The following DCAF8L2 variants were observed in gnomAD, a reference collection of about 807,000 sequenced individuals.
DCAF8L2 encodes the protein DDB1- and CUL4-associated factor 8-like protein 2.
For synonymous variants in DCAF8L2, 200 were observed against 190.9 expected (o/e 1.05, Z -0.39); for missense variants, 430 against 490.7 (o/e 0.88, Z 1.17).
At chrX:27,585,968 C>T (rs867576978), upstream of DCAF8L2, among the ~76,000 whole-genome samples, 15 of 111,505 alleles carry the variant, frequency 1.3e-4, no homozygotes, top group African/African-American at 4.2e-4. Flanking sequence ...TGATCTCATG[C>T]TTACTTATTA....
the DCAF8L2 span, among the ~76,000 whole-genome samples, chrX:27,566,177 T>G: frequency 1.1e-4 from 11 of 100,639 alleles, no homozygotes; most frequent in Non-Finnish European, 1.8e-4. Flanking sequence ...AGGAAAGGAA[T>G]GTATCCACTG....
chrX:27,648,854 T>G (rs1442742563), intron 2 of DCAF8L2, among the ~76,000 whole-genome samples: 1 of 111,648 alleles, frequency 9.0e-6, no homozygotes, highest in Non-Finnish European at 1.9e-5. Context: ...ATTTTATTAT[T>G]TCATACATCT....
At chrX:27,587,985 A>AAAAAAATATATAT, upstream of DCAF8L2, among the ~76,000 whole-genome samples, 23 of 22,344 alleles carry the variant, frequency 1.0e-3, no homozygotes, top group African/African-American at 2.2e-3. Flanking sequence ...TAAAAAAAAA[A>AAAAAAATATATAT]ATATATATAT....
chrX:27,736,842 T>A (rs894631224), intron 4 of DCAF8L2, among the ~76,000 whole-genome samples: 3 of 95,806 alleles, frequency 3.1e-5, no homozygotes, highest in African/African-American at 1.5e-4. Context: ...CCTAAAATAT[T>A]TTTTTTTCCA....
intron 3 of DCAF8L2, among the ~76,000 whole-genome samples, chrX:27,712,107 G>T (rs2147284068): frequency 9.0e-6 from 1 of 110,860 alleles, no homozygotes; most frequent in Admixed American, 9.6e-5. Flanking sequence ...ATATAGCTAG[G>T]GGTTGTGAAT....
chrX:27,516,817 C>T, the DCAF8L2 span, among the ~76,000 whole-genome samples: 2 of 111,911 alleles, frequency 1.8e-5, no homozygotes, highest in East Asian at 2.8e-4. Flanking sequence ...TCAGGACTGA[C>T]GTTTTTATAT....
At chrX:27,628,520 A>G (rs1162112415) in intron 1 of DCAF8L2, among the ~76,000 whole-genome samples, 1 of 110,476 alleles carries the variant, frequency 9.1e-6, no homozygotes, top group Non-Finnish European at 1.9e-5. Flanking sequence ...TTTCTCCATT[A>G]TGACTGTACC....
intron 4 of DCAF8L2, among the ~76,000 whole-genome samples, chrX:27,741,610 T>C (rs1921858382): frequency 8.9e-6 from 1 of 111,853 alleles, no homozygotes; most frequent in Non-Finnish European, 1.9e-5. Context: ...CTTCTTCCTG[T>C]TGGTGACTGG....
intron 2 of DCAF8L2, among the ~76,000 whole-genome samples, chrX:27,669,476 A>T (rs1168115373): frequency 9.2e-5 from 10 of 108,915 alleles, no homozygotes; most frequent in Non-Finnish European, 1.3e-4. Context: ...TTATTTATTT[A>T]TTTTTTATTT....
At position 27,675,119 on chromosome X, in the gene DCAF8L2, T is replaced by C. The variant is rs1001384875; in HGVS notation, c.-219-2717T>C. Among the ~76,000 whole-genome samples the C allele has an allele frequency of 2.7e-5, 3 of 111,886 alleles. No homozygotes were observed. The Admixed American group carries it at 2.9e-4, about 11-fold the overall frequency. On this transcript the variant is annotated intron_variant, in intron 2 of 4. Transcript: ENST00000451261. ...ATCTTGATCTGAAAAGGAGTAATAT[T>C]TTAGTAAATGTAATGGTTAGATTTA... is the stretch of plus-strand genomic sequence containing the variant.
chrX:27,567,874 T>G, the DCAF8L2 span, among the ~76,000 whole-genome samples: 1 of 110,029 alleles, frequency 9.1e-6, no homozygotes, highest in Non-Finnish European at 1.9e-5. Flanking sequence ...AGAAGGAACT[T>G]TATTATCATG....
At chrX:27,581,969 T>C in the DCAF8L2 span, among the ~76,000 whole-genome samples, 2 of 112,260 alleles carry the variant, frequency 1.8e-5, no homozygotes, top group Admixed American at 9.5e-5. Context: ...GTTTATTTTA[T>C]TTTGAGTCAC....
chrX:27,669,926 A>G (rs919510708), intron 2 of DCAF8L2, among the ~76,000 whole-genome samples: 9 of 111,705 alleles, frequency 8.1e-5, no homozygotes, highest in Non-Finnish European at 1.3e-4. Context: ...TAGTGCTGCA[A>G]TAAACATACG....
the DCAF8L2 span, among the ~76,000 whole-genome samples, chrX:27,520,936 G>A: frequency 2.7e-5 from 3 of 111,622 alleles, no homozygotes; most frequent in Non-Finnish European, 5.7e-5. Context: ...GAATATATTG[G>A]ATTTGTCAGG....
At chrX:27,475,502 T>A in the DCAF8L2 span, among the ~76,000 whole-genome samples, 1 of 111,623 alleles carries the variant, frequency 9.0e-6, no homozygotes, top group Non-Finnish European at 1.9e-5. Flanking sequence ...AGCTAAGCAA[T>A]CATATTGGGC....
In DCAF8L2 at chrX:27,592,155, C is replaced by A. The variant is rs1158026689; in HGVS notation, c.-342+1715C>A. Among the ~76,000 whole-genome samples, 13 of 112,169 alleles carry A rather than the reference C, an allele frequency of 1.2e-4. No homozygotes were observed. In the Admixed American group the frequency reaches 1.2e-3, roughly 11 times the overall value. On this transcript the variant is annotated intron_variant, in intron 1 of 4. Transcript: ENST00000451261. The stretch of plus-strand genomic sequence containing the variant: ...AGTAGCGCCTGCTGCTGCCTGGCCC[C>A]GTCCAGGGCTGAGTGAGGTGCGTGG...
intron 1 of DCAF8L2, among the ~76,000 whole-genome samples, chrX:27,616,694 G>T (rs919476034): frequency 9.0e-6 from 1 of 111,256 alleles, no homozygotes; most frequent in African/African-American, 3.3e-5. Context: ...AGGAATTGCT[G>T]CCCTAGACCC....
At chrX:27,479,058 CT>C in the DCAF8L2 span, among the ~76,000 whole-genome samples, 68 of 111,282 alleles carry the variant, frequency 6.1e-4, no homozygotes, top group African/African-American at 2.2e-3. Flanking sequence ...TGACTTTTGT[CT>C]TTCTCTCTCT....
the DCAF8L2 span, among the ~76,000 whole-genome samples, chrX:27,513,545 A>G: frequency 9.1e-6 from 1 of 110,487 alleles, no homozygotes; most frequent in Non-Finnish European, 1.9e-5. Context: ...TCTCTACTAA[A>G]AATAAAAAAA....
Sources: allele counts gnomAD v4.1 joint callset (sites outside exome capture counted in the v4.1 genomes callset), GRCh38; gene constraint gnomAD v4.1.1; transcripts MANE v1.5; gene names NCBI Gene and HGNC (gene_info 2026-07-23, HGNC 2026-07-21).